NBEAL2: variants seen among roughly 807,000 people sequenced by gnomAD.
The protein encoded by NBEAL2 is neurobeachin-like protein 2.
NBEAL2 carries 160 observed loss-of-function variants against 299.8 expected under a neutral mutation model. That is an observed-to-expected ratio of 0.53 (90% CI 0.47 to 0.61). NBEAL2 has a LOEUF of 0.61. Ranked by LOEUF, NBEAL2 falls within the 20% of genes least tolerant of loss-of-function variation. The pLI is 0.00. For synonymous variants in NBEAL2, 1,493 were observed against 1,542.3 expected (o/e 0.97, Z 0.75); for missense variants, 3,112 against 3,649.0 (o/e 0.85, Z 3.79).
rs756722172 is a variant in NBEAL2, at chr3:47,005,077, G to A, written c.6400G>A (p.Ala2134Thr). 2.2e-5 allele frequency: 36 copies of A among 1,613,670 alleles called. 2 individuals are homozygous for A. The South Asian group carries it at 3.8e-4, about 17-fold the overall frequency. ...KPIGVVNPKH[A>T]QLVREKYESF... Reference sequence around the variant, plus strand: ...CATCGGTGTGGTGAACCCCAAGCATGCCCAGCTCGTGAGGGAGAAGTGAGC... The same window carrying A: ...CATCGGTGTGGTGAACCCCAAGCATACCCAGCTCGTGAGGGAGAAGTGAGC... The change falls in exon 39 of 54, where the codon GCC (alanine) becomes ACC (threonine). Residue 2134 changes from alanine to threonine, a missense_variant. Transcript: ENST00000450053.
rs765952206 is a variant in NBEAL2, at chr3:47,008,310, C to T, written c.7747C>T (p.Arg2583Cys). 1.2e-4 allele frequency: 198 copies of T among 1,612,982 alleles called. 1 individual carries two copies. Among genetic ancestry groups the T allele is most frequent in the Non-Finnish European group, 1.3e-4 (157 of 1,179,464 alleles). Residue 2583 changes from arginine to cysteine, a missense_variant, in exon 51 of 54, where the codon CGC becomes TGC. This residue lies in a region of NBEAL2 where 348 missense variants were observed against 381.4 expected (regional missense o/e 0.91). Coordinates refer to ENST00000450053, the MANE Select transcript of NBEAL2 (RefSeq NM_015175.3). ...EDGTVIIHTV[R>C]RGQFVAALRP... ...TGGAACTGTGATCATACACACTGTA[C>T]GCCGCGGACAGTTTGTAGCGGCACT...
intron 10 of NBEAL2, among the ~76,000 whole-genome samples, chr3:46,992,955 G>A (rs1032060071): frequency 6.6e-6 from 1 of 152,194 alleles, no homozygotes; most frequent in Non-Finnish European, 1.5e-5. Flanking sequence ...GCGGGTCACT[G>A]GGTGTCCCCC....
rs61734084 is a variant in NBEAL2, at chr3:46,988,740, C to T, written c.123C>T (p.Ser41=). The change falls in exon 2 of 54, where the codon TCC becomes TCT. Residue 41 remains serine (S), a synonymous_variant. Transcript: ENST00000450053. The surrounding 1 kb of genome is among the most constrained non-coding windows in gnomAD (Gnocchi z 4.4). The part of the protein sequence containing the change: ...VGAFKKSISL[S]SLEPRRPEEA... The stretch of plus-strand genomic sequence containing the variant: ...CCTTCAAGAAGAGCATCTCACTGTC[C>T]TCTCTGGAGCCACGAAGGTGAGGCT... 6.2e-7 allele frequency: 1 copy of T among 1,613,638 alleles called. No individual in the cohort carries two copies. The highest frequency in any genetic ancestry group is 1.7e-5 in the Admixed American group (1 of 60,020).
Position 46,999,988 on chromosome 3 carries a change from G to A in NBEAL2, c.3889G>A (p.Ala1297Thr). ...VLTRLYVLEA[A>T]TAGSPPPSSP... ...GACCCGGCTATATGTCCTGGAGGCT[G>A]CCACAGCCGGCAGCCCCCCTCCGTC... Residue 1297 changes from alanine (A) to threonine (T), a missense_variant, in exon 27 of 54, where the codon GCC becomes ACC. Ala to Thr is a moderately conservative substitution (Grantham distance 58). Transcript: ENST00000450053. 1.2e-6 allele frequency: 2 copies of A among 1,612,058 alleles called. No individual in the cohort carries two copies. The highest frequency in any genetic ancestry group is 1.7e-6 in the Non-Finnish European group (2 of 1,179,846).
At chr3:46,997,782 G>T in intron 20 of NBEAL2, 88 bp downstream of exon 20, 3 of 1,414,886 alleles carry the variant, frequency 2.1e-6, no homozygotes, top group Non-Finnish European at 2.8e-6. Flanking sequence ...TGTCAGTCAT[G>T]AAGAACCTCC....
Position 47,002,168 on chromosome 3 carries a change from G to A in NBEAL2, c.5031G>A (p.Glu1677=), listed in dbSNP as rs1442204934. 6.5e-7 allele frequency: 1 copy of A among 1,533,260 alleles called. No homozygotes were observed. Among genetic ancestry groups the A allele is most frequent in the African/African-American group, 1.4e-5 (1 of 72,636 alleles). 95.0% of individuals were successfully genotyped at this position (1,533,260 alleles called of 1,614,324 possible). Residue 1677 remains glutamate, a synonymous_variant, in exon 31 of 54, where the codon GAG becomes GAA. Coordinates refer to ENST00000450053, the MANE Select transcript of NBEAL2 (RefSeq NM_015175.3). ...GCACGCTGCTAGACCGTGCCTATGA[G>A]CCGCTGGGGCTGCAGTGGGGACTGC... ...LVRTLLDRAY[E]PLGLQWGLPS...
rs199797249 is a variant in NBEAL2, at chr3:46,989,375, G to A, written c.467G>A (p.Arg156His). The A allele has an allele frequency of 7.2e-4, 1,135 of 1,576,954 alleles. 8 individuals carry two copies. The highest frequency in any genetic ancestry group is 3.7e-3 in the South Asian group (317 of 86,388). Residue 156 changes from arginine (R) to histidine (H), a missense_variant, in exon 5 of 54, where the codon CGC becomes CAC. Transcript: ENST00000450053. The surrounding 1 kb of genome is among the most constrained non-coding windows in gnomAD (Gnocchi z 5.5). ...FDPYQTWRRQ[R>H]SGEVISSKEK... ...CCTTACCAAACCTGGCGGCGCCAGC[G>A]CAGTGGGTGAGACCCAGCCCACAGG... is the stretch of plus-strand genomic sequence containing the variant.
Position 46,989,441 on chromosome 3 carries a change from G to A in NBEAL2, c.473+60G>A. On this transcript the variant is annotated intron_variant, in intron 5 of 53. Transcript: ENST00000450053. The surrounding 1 kb of genome is among the most constrained non-coding windows in gnomAD (Gnocchi z 5.5). ...AGGGTGGGGAGAGGATGGCCGCGCT[G>A]GGCCCAAGGAGGGGTGACGGCCAGG... The A allele has an allele frequency of 6.4e-7, 1 of 1,564,570 alleles. No individual in the cohort carries two copies. The highest frequency in any genetic ancestry group is 8.7e-7 in the Non-Finnish European group (1 of 1,154,666).
chr3:46,995,453 G>A lies in NBEAL2; in HGVS notation c.1718G>A (p.Gly573Asp), dbSNP rs1406533672. The change falls in exon 13 of 54, where the codon GGT (glycine) becomes GAT (aspartate). Residue 573 changes from glycine (G) to aspartate (D), a missense_variant. This residue lies in a region of NBEAL2 where 2,243 missense variants were observed against 2,538.1 expected (regional missense o/e 0.88). Transcript: ENST00000450053. Reference protein sequence around the residue: ...RTLSGMARHQGPARALRYFDL... With the variant: ...RTLSGMARHQDPARALRYFDL... ...TTATCAGGCATGGCCAGGCACCAGGGTCCTGCACGTGCTCTGCGCTACTTT... is the reference window on the plus strand; with the variant it reads ...TTATCAGGCATGGCCAGGCACCAGGATCCTGCACGTGCTCTGCGCTACTTT... 3.1e-6 allele frequency: 5 copies of A among 1,612,860 alleles called. No individual in the cohort carries two copies. Among genetic ancestry groups the A allele is most frequent in the Non-Finnish European group, 4.2e-6 (5 of 1,179,884 alleles).
At chr3:46,990,873 G>A (rs546939787) in intron 6 of NBEAL2, among the ~76,000 whole-genome samples, 2 of 152,342 alleles carry the variant, frequency 1.3e-5, no homozygotes, top group East Asian at 3.9e-4. Context: ...TTGCATCTGA[G>A]AAACTAAGCC....
At chr3:46,986,358 G>T (rs1195347208) in intron 1 of NBEAL2, among the ~76,000 whole-genome samples, 1 of 152,198 alleles carries the variant, frequency 6.6e-6, no homozygotes, top group African/African-American at 2.4e-5. Flanking sequence ...GGAGGTTCCT[G>T]CTCAAGTACC....
In NBEAL2 at chr3:46,997,640, A is replaced by G; in HGVS notation, c.2904A>G (p.Gln968=). The change falls in exon 20 of 54, where the codon CAA becomes CAG. Residue 968 remains glutamine, a synonymous_variant. Coordinates refer to ENST00000450053, the MANE Select transcript of NBEAL2 (RefSeq NM_015175.3). ...TCCTTCAGGGTCACATGGTGAACCAAGAGAGCCTGGTGCAGTGCCAGGGGC... is the reference window on the plus strand; with the variant it reads ...TCCTTCAGGGTCACATGGTGAACCAGGAGAGCCTGGTGCAGTGCCAGGGGC... ...RNFLQGHMVN[Q]ESLVQCQGPA... is the part of the protein sequence containing the mutation. 6.3e-7 allele frequency: 1 copy of G among 1,592,698 alleles called. No individual in the cohort carries two copies. The highest frequency in any genetic ancestry group is 8.6e-7 in the Non-Finnish European group (1 of 1,165,352).
rs895999563 is a variant in NBEAL2 at position 46,991,133 on chromosome 3, C to T, written c.557-86C>T. The T allele has an allele frequency of 2.8e-5, 35 of 1,229,982 alleles. No homozygotes were observed. Among genetic ancestry groups the T allele is most frequent in the Non-Finnish European group, 3.7e-5 (32 of 855,494 alleles). The allele number at this position is 1,229,982 out of a possible 1,614,324, so 76.2% of individuals were successfully genotyped here. Reference sequence around the variant, plus strand: ...GGCCCAGCTCCCTCTCCCCTCCACCCCAGGGCACTCACCTCTTGTGCAGCC... The same window carrying T: ...GGCCCAGCTCCCTCTCCCCTCCACCTCAGGGCACTCACCTCTTGTGCAGCC... On this transcript the variant is annotated intron_variant, in intron 6 of 53. Coordinates refer to ENST00000450053, the MANE Select transcript of NBEAL2 (RefSeq NM_015175.3). The surrounding 1 kb of genome is among the most constrained non-coding windows in gnomAD (Gnocchi z 6.2).
intron 1 of NBEAL2, chr3:46,987,908 C>T (rs964413107): frequency 1.3e-5 from 13 of 1,022,230 alleles, no homozygotes; most frequent in African/African-American, 5.1e-5. Flanking sequence ...TGCGGTCTGC[C>T]GGGAGGAAGC....
chr3:47,009,470 T>G lies in NBEAL2; in HGVS notation c.*150T>G. 1 of 762,386 alleles carries G rather than the reference T, an allele frequency of 1.3e-6. No homozygotes were observed. Among genetic ancestry groups the G allele is most frequent in the Non-Finnish European group, 2.1e-6 (1 of 467,392 alleles). 47.2% of individuals were successfully genotyped at this position (762,386 alleles called of 1,614,324 possible). ...CAGCTCAGGGATTGGCGGGCGATGT[T>G]ACCCCCTCAGGGATTGGCGGGCGGA... On this transcript the variant is annotated 3_prime_UTR_variant, in exon 54 of 54. Coordinates refer to ENST00000450053, the MANE Select transcript of NBEAL2 (RefSeq NM_015175.3).
At position 47,004,733 on chromosome 3, in the gene NBEAL2, C is replaced by A; in HGVS notation, c.6294+143C>A. ...TGCCAATGAAGACCTGGCCTCTGTT[C>A]CCTGCCAACCCCCAGAGGTCCCCAG... is the stretch of plus-strand genomic sequence containing the variant. On this transcript the variant is annotated intron_variant, in intron 38 of 53. Transcript: ENST00000450053. This position sits in a 1 kb window ranked among gnomAD's most constrained non-coding sequence, Gnocchi z 5.0. 2.5e-6 allele frequency: 1 copy of A among 393,278 alleles called. No individual in the cohort carries two copies. Among genetic ancestry groups the A allele is most frequent in the Non-Finnish European group, 4.1e-6 (1 of 241,680 alleles). The allele number at this position is 393,278 out of a possible 1,614,324, so 24.4% of individuals were successfully genotyped here. A position where few individuals can be genotyped will look rare whatever the true frequency, so the allele number is the denominator to read the frequency against.
rs1201220752 is a variant in NBEAL2 at position 47,004,125 on chromosome 3, AC to A, written c.5932del (p.Leu1978CysfsTer73). ...CCACTGGCCCAGCTGCGTGAGGTCC[AC>A]CTGCGGCGTTTCAACCTGCGCCGTT... ...RRPLAQLREVHLRRFNLRRSA... is the reference protein window; with the variant it reads ...RRPLAQLREVXLRRFNLRRSA... On this transcript the variant is annotated frameshift_variant, in exon 37 of 54. Transcript: ENST00000450053. LOFTEE classifies it high-confidence loss of function. This position sits in a 1 kb window ranked among gnomAD's most constrained non-coding sequence, Gnocchi z 5.0. The A allele has an allele frequency of 6.2e-7, 1 of 1,613,522 alleles. No individual in the cohort carries two copies. The highest frequency in any genetic ancestry group is 2.2e-5 in the East Asian group (1 of 44,868).
intron 44 of NBEAL2, 35 bp from the exon 45 acceptor site, chr3:47,006,298 C>T (rs756024317): frequency 1.2e-6 from 2 of 1,606,792 alleles, no homozygotes; most frequent in Non-Finnish European, 1.7e-6. Flanking sequence ...CCAGGGATGC[C>T]CATGCCATGG....
chr3:46,988,839 C>A lies in NBEAL2; in HGVS notation c.141-3C>A. 1.2e-6 allele frequency: 2 copies of A among 1,604,582 alleles called. No homozygotes were observed. Among genetic ancestry groups the A allele is most frequent in the Non-Finnish European group, 1.7e-6 (2 of 1,173,104 alleles). ...AGCACCCGTGTCTCCCCTTTCCTTG[C>A]AGGCCAGAGGAGGCAGGTGCAGAGG... is the stretch of plus-strand genomic sequence containing the variant. On this transcript the variant is annotated splice_region_variant and splice_polypyrimidine_tract_variant and intron_variant, in intron 2 of 53. Coordinates refer to ENST00000450053, the MANE Select transcript of NBEAL2 (RefSeq NM_015175.3). The surrounding 1 kb of genome is among the most constrained non-coding windows in gnomAD (Gnocchi z 4.4).
Sources: allele counts gnomAD v4.1 joint callset (sites outside exome capture counted in the v4.1 genomes callset), GRCh38; gene constraint gnomAD v4.1.1; regional missense constraint gnomAD v4.1.1; non-coding constraint Gnocchi (gnomAD v3.1); transcripts MANE v1.5; gene names NCBI Gene and HGNC (gene_info 2026-07-23, HGNC 2026-07-21).